PPA2: variants seen among roughly 807,000 people sequenced by gnomAD.
PPA2 encodes inorganic pyrophosphatase 2, also known as inorganic pyrophosphatase 2, mitochondrial.
A neutral mutation model predicts 49.5 loss-of-function variants in PPA2; 48 were observed. The ratio of observed to expected loss-of-function variants is 0.97; its 90% CI spans 0.77 to 1.23. The LOEUF (loss-of-function observed/expected upper bound fraction) is 1.23. Among genes scored for constraint, PPA2 ranks in the 50% most tolerant of loss-of-function variants. The pLI is 0.00. For synonymous variants in PPA2, 131 were observed against 139.9 expected (o/e 0.94, Z 0.45); for missense variants, 429 against 410.1 (o/e 1.05, Z -0.40).
At chr4:105,378,004 T>A (rs540415288) in intron 10 of PPA2, among the ~76,000 whole-genome samples, 1 of 152,162 alleles carries the variant, frequency 6.6e-6, no homozygotes, top group Non-Finnish European at 1.5e-5. Context: ...AGCATTTGTG[T>A]ACAAGTCTTT....
intron 10 of PPA2, among the ~76,000 whole-genome samples, chr4:105,373,289 C>T (rs967065749): frequency 6.6e-6 from 1 of 152,146 alleles, no homozygotes; most frequent in Admixed American, 6.5e-5. Context: ...AGTAACACAA[C>T]ATAAAAATTG....
chr4:105,460,350 A>C (rs1318459302), intron 1 of PPA2, among the ~76,000 whole-genome samples: 1 of 151,622 alleles, frequency 6.6e-6, no homozygotes, highest in East Asian at 1.9e-4. Flanking sequence ...ATAAGGGAAA[A>C]AAAAATAGGA....
intron 7 of PPA2, among the ~76,000 whole-genome samples, chr4:105,417,213 A>G (rs1723052182): frequency 6.6e-6 from 1 of 152,206 alleles, no homozygotes; most frequent in Non-Finnish European, 1.5e-5. Flanking sequence ...ACCCTAAAGC[A>G]CTTAAAAACG....
chr4:105,398,200 A>T (rs1734222832), intron 8 of PPA2: 1 of 152,026 alleles, frequency 6.6e-6, no homozygotes, highest in Non-Finnish European at 1.5e-5. Flanking sequence ...GAAAATTTTT[A>T]AAAGAAAAAT....
In PPA2 at chr4:105,369,271, C is replaced by T. The variant is rs1308635592; in HGVS notation, c.*454G>A. ...ACGGAGTCTCTCTCTGTCGCCTAGG[C>T]TGGAGTGCAGTGGCACAATCTCTGC... On this transcript the variant is annotated 3_prime_UTR_variant, in exon 12 of 12. Coordinates refer to ENST00000341695, the MANE Select transcript of PPA2 (RefSeq NM_176869.3). The T allele has an allele frequency of 6.6e-6, 1 of 150,844 alleles. No homozygotes were observed. The highest frequency in any genetic ancestry group is 1.5e-5 in the Non-Finnish European group (1 of 68,158). 9.3% of individuals were successfully genotyped at this position (150,844 alleles called of 1,614,324 possible).
Position 105,369,607 on chromosome 4 carries a change from A to C in PPA2, c.*118T>G. ...TTATTTATATATTGCATAGCTCAAA[A>C]AGTTTGAAAAAATGAAGTTTTAACA... On this transcript the variant is annotated 3_prime_UTR_variant, in exon 12 of 12. Coordinates refer to ENST00000341695, the MANE Select transcript of PPA2 (RefSeq NM_176869.3). 1 of 900,210 alleles carries C rather than the reference A, an allele frequency of 1.1e-6. No individual in the cohort carries two copies. Among genetic ancestry groups the C allele is most frequent in the Admixed American group, 2.0e-5 (1 of 50,156 alleles). The allele number at this position is 900,210 out of a possible 1,614,324, so 55.8% of individuals were successfully genotyped here. A position where few individuals can be genotyped will look rare whatever the true frequency, so the allele number is the denominator to read the frequency against.
chr4:105,438,795 C>T (rs1724197282), intron 5 of PPA2, among the ~76,000 whole-genome samples: 2 of 152,132 alleles, frequency 1.3e-5, no homozygotes, highest in African/African-American at 4.8e-5. Flanking sequence ...AAATTATTTG[C>T]TTTAAATTCA....
At chr4:105,403,247 G>A (rs1486751619) in intron 7 of PPA2, among the ~76,000 whole-genome samples, 6 of 151,436 alleles carry the variant, frequency 4.0e-5, no homozygotes, top group Non-Finnish European at 8.8e-5. Flanking sequence ...TAGTTGCTTT[G>A]TTGCCCAGGC....
At position 105,424,345 on chromosome 4, in the gene PPA2, C is replaced by T. The variant is rs1578847041; in HGVS notation, c.529-23G>A. 7.6e-6 allele frequency: 12 copies of T among 1,573,376 alleles called. No homozygotes were observed. The Middle Eastern group carries it at 7.2e-4, about 94-fold the overall frequency. On this transcript the variant is annotated intron_variant, in intron 6 of 11. Transcript: ENST00000341695. ...AATCTTTAAAGAAAAAAGAAATTCACTATTTGCAAGGCTTTGGAGAGTTTA... is the reference window on the plus strand; with the variant it reads ...AATCTTTAAAGAAAAAAGAAATTCATTATTTGCAAGGCTTTGGAGAGTTTA...
chr4:105,414,787 C>T (rs755669614), intron 7 of PPA2, among the ~76,000 whole-genome samples: 8 of 152,154 alleles, frequency 5.3e-5, no homozygotes, highest in Non-Finnish European at 1.2e-4. Context: ...TTCAGTTTCG[C>T]CATTTGGGTG....
intron 3 of PPA2, among the ~76,000 whole-genome samples, chr4:105,452,973 T>C (rs967345382): frequency 1.3e-4 from 20 of 152,116 alleles, no homozygotes; most frequent in African/African-American, 4.3e-4. Flanking sequence ...GTGTTTTTCT[T>C]CTCCTCTACT....
intron 10 of PPA2, among the ~76,000 whole-genome samples, chr4:105,386,304 G>A (rs770638095): frequency 7.2e-5 from 11 of 152,150 alleles, no homozygotes; most frequent in Admixed American, 2.0e-4. Context: ...AATAATAAAC[G>A]GATGATAAGA....
chr4:105,442,173 C>T (rs1269195686), intron 5 of PPA2, among the ~76,000 whole-genome samples: 1 of 152,108 alleles, frequency 6.6e-6, no homozygotes, highest in Non-Finnish European at 1.5e-5. Flanking sequence ...TATGCTTTCC[C>T]AGCTTTAATT....
At chr4:105,393,347 A>T (rs2110386260) in intron 9 of PPA2, among the ~76,000 whole-genome samples, 1 of 151,936 alleles carries the variant, frequency 6.6e-6, no homozygotes, top group South Asian at 2.1e-4. Flanking sequence ...TTTAAAAAGT[A>T]GCCAGGTGTG....
intron 1 of PPA2, among the ~76,000 whole-genome samples, chr4:105,465,603 T>G (rs12643660): frequency 0.35 from 53,155 of 152,104 alleles, 9,470 homozygotes; most frequent in Middle Eastern, 0.41. Flanking sequence ...TTGTTAAATG[T>G]CTAAAATGTC....
intron 1 of PPA2, among the ~76,000 whole-genome samples, chr4:105,471,045 C>A (rs572848218): frequency 6.6e-6 from 1 of 152,146 alleles, no homozygotes; most frequent in Admixed American, 6.5e-5. Flanking sequence ...TTTTCCAGAA[C>A]TTAAATAGGC....
intron 6 of PPA2, among the ~76,000 whole-genome samples, chr4:105,433,045 A>G (rs1723884340): frequency 1.3e-5 from 2 of 152,238 alleles, no homozygotes; most frequent in Non-Finnish European, 2.9e-5. Flanking sequence ...ATAATGGTTT[A>G]TAGACTAGTA....
intron 7 of PPA2, among the ~76,000 whole-genome samples, chr4:105,402,948 A>G (rs1326090970): frequency 6.6e-6 from 1 of 152,142 alleles, no homozygotes; most frequent in African/African-American, 2.4e-5. Flanking sequence ...GATGTACATG[A>G]GATGTAAAAC....
intron 1 of PPA2, 30 bp downstream of exon 1, chr4:105,473,864 C>A (rs1411914834): frequency 1.9e-6 from 3 of 1,575,638 alleles, no homozygotes; most frequent in Non-Finnish European, 1.7e-6. Flanking sequence ...CTCCGGTGCG[C>A]CGCTCGGCGA....
Sources: allele counts gnomAD v4.1 joint callset (sites outside exome capture counted in the v4.1 genomes callset), GRCh38; gene constraint gnomAD v4.1.1; transcripts MANE v1.5; gene names NCBI Gene and HGNC (gene_info 2026-07-23, HGNC 2026-07-21).